Variants in EIF1AY observed in about 807,000 individuals in gnomAD.
EIF1AY encodes the protein eukaryotic translation initiation factor 1A Y-linked, also known as eukaryotic translation initiation factor 1A, Y-chromosomal.
For missense variants in EIF1AY, 19 were observed against 30.6 expected, an observed-to-expected ratio of 0.62 and a Z score of 0.89; for synonymous variants, 16 against 9.9, an observed-to-expected ratio of 1.62 and a Z score of -1.16.
chrY:20,588,194 T>C, intron 5 of EIF1AY, 89 bp downstream of exon 5: 1 of 179,380 alleles, frequency 5.6e-6, no homozygotes, highest in Non-Finnish European at 9.4e-6. Context: ...ACTCTTGTTT[T>C]ACATACTGTT....
intron 1 of EIF1AY, among the ~76,000 whole-genome samples, chrY:20,578,794 G>A (rs2089348540): frequency 3.0e-5 from 1 of 33,194 alleles, no homozygotes; most frequent in Non-Finnish European, 7.4e-5. Flanking sequence ...TTTTGGAAAC[G>A]GCCGCTACTT....
intron 4 of EIF1AY, chrY:20,587,056 C>A (rs565983544): frequency 1.8e-4 from 6 of 32,921 alleles, no homozygotes; most frequent in Admixed American, 1.7e-3. Flanking sequence ...AAAATACTTT[C>A]AAATGGGGAA....
intron 2 of EIF1AY, among the ~76,000 whole-genome samples, chrY:20,580,715 A>T: frequency 3.0e-5 from 1 of 33,609 alleles, no homozygotes; most frequent in African/African-American, 1.2e-4. Context: ...AGTAACATGA[A>T]TTTACAGACT....
intron 1 of EIF1AY, among the ~76,000 whole-genome samples, chrY:20,578,436 C>T: frequency 3.0e-5 from 1 of 33,396 alleles, no homozygotes; most frequent in Non-Finnish European, 7.4e-5. Flanking sequence ...TTTGTAAAAC[C>T]CAGTAAGGAA....
intron 4 of EIF1AY, 123 bp from the exon 5 acceptor site, chrY:20,587,901 G>A (rs1024390909): frequency 6.9e-4 from 112 of 161,664 alleles, no homozygotes; most frequent in Non-Finnish European, 1.1e-3. Flanking sequence ...AAGAAAAGCA[G>A]GAGAGTTTGT....
chrY:20,581,341 GT>G (rs2089350555), intron 2 of EIF1AY, among the ~76,000 whole-genome samples: 2 of 31,907 alleles, frequency 6.3e-5, no homozygotes, highest in African/African-American at 1.2e-4. Context: ...TTTTTTGTTT[GT>G]TTTTTTTGAG....
chrY:20,589,408 G>C, intron 5 of EIF1AY, 76 bp from the exon 6 acceptor site: 2 of 267,771 alleles, frequency 7.5e-6, no homozygotes, highest in Non-Finnish European at 1.2e-5. Flanking sequence ...GATCTCAAGT[G>C]ATCTGCCTAC....
chrY:20,584,552 T>C (rs1178297189), intron 4 of EIF1AY, 28 bp downstream of exon 4: 2 of 253,696 alleles, frequency 7.9e-6, no homozygotes, highest in South Asian at 1.1e-4. Context: ...AGTTGTGGTA[T>C]GTCTGTGTTT....
At chrY:20,585,831 C>CT (rs2089354152) in intron 4 of EIF1AY, among the ~76,000 whole-genome samples, 30 of 22,895 alleles carry the variant, frequency 1.3e-3, no homozygotes, top group African/African-American at 3.9e-3. Context: ...TTTTTTAAAT[C>CT]TTTTTTTTTT....
At chrY:20,581,711 A>G (rs7067423) in intron 2 of EIF1AY, among the ~76,000 whole-genome samples, 4,963 of 32,592 alleles carry the variant, frequency 0.15, no homozygotes, top group African/African-American at 0.6. Flanking sequence ...TGGTTAAGCT[A>G]TTATTTGTCT....
intron 5 of EIF1AY, 26 bp downstream of exon 5, chrY:20,588,131 T>G: frequency 3.4e-6 from 1 of 291,434 alleles, no homozygotes; most frequent in African/African-American, 7.0e-5. Context: ...TTTTATCTCC[T>G]CATTATTTGA....
intron 1 of EIF1AY, among the ~76,000 whole-genome samples, chrY:20,577,382 G>C: frequency 3.0e-5 from 1 of 33,353 alleles, no homozygotes; most frequent in African/African-American, 1.2e-4. Context: ...TTTAATTTTT[G>C]TATGATCATG....
Position 20,575,840 on chromosome Y carries a change from G to C in EIF1AY, c.-32G>C. On this transcript the variant is annotated 5_prime_UTR_variant, in exon 1 of 7. Transcript: ENST00000361365. ...GAGTAGTAACCGCCAGAAAGGAGTC[G>C]GAAGAGGTCTCACGAGGCTGTCATC... 2.6e-6 allele frequency: 1 copy of C among 381,838 alleles called. No homozygotes were observed. Among genetic ancestry groups the C allele is most frequent in the Non-Finnish European group, 3.6e-6 (1 of 274,101 alleles).
intron 5 of EIF1AY, chrY:20,588,771 G>T (rs2089356658): frequency 3.0e-5 from 1 of 33,618 alleles, no homozygotes; most frequent in East Asian, 7.8e-4. Flanking sequence ...TAAACATGAA[G>T]ATCTTGATGA....
chrY:20,580,774 CT>C lies in EIF1AY; in HGVS notation c.100+1086del, dbSNP rs2089350039. ...TGTCTCCCAAGATGAAGCACTTCTC[CT>C]TTACTAACTACAAACAACATATTTA... On this transcript the variant is annotated intron_variant, in intron 2 of 6. Coordinates refer to ENST00000361365, the MANE Select transcript of EIF1AY (RefSeq NM_004681.4). 1.2e-4 allele frequency among the ~76,000 whole-genome samples: 4 copies of C among 33,936 alleles called. No homozygotes were observed. The East Asian group carries it at 3.0e-3, about 26-fold the overall frequency. The allele number at this position is 33,936 out of a possible 37,273, so 91.0% of individuals were successfully genotyped here.
intron 4 of EIF1AY, chrY:20,586,736 T>G (rs2089354714): frequency 2.9e-5 from 1 of 34,149 alleles, no homozygotes; most frequent in African/African-American, 1.1e-4. Context: ...GGAACAAATT[T>G]TAGCAAGTCC....
In EIF1AY at chrY:20,579,672, G is replaced by A. The variant is rs1196304462; in HGVS notation, c.81G>A (p.Val27=). The change falls in exon 2 of 7, where the codon GTG becomes GTA. Residue 27 remains valine, a synonymous_variant. Transcript: ENST00000361365. ...ATGAATCTGAAAAAAGAGAGTTGGT[G>A]TTTAAAGAGGATGGACAAGGTAAGA... The part of the protein sequence containing the change: ...NENESEKREL[V]FKEDGQEYAQ... 5.3e-6 allele frequency: 2 copies of A among 379,115 alleles called. No homozygotes were observed. The highest frequency in any genetic ancestry group is 3.2e-5 in the South Asian group (1 of 30,781). The allele number at this position is 379,115 out of a possible 400,897, so 94.6% of individuals were successfully genotyped here.
intron 6 of EIF1AY, among the ~76,000 whole-genome samples, chrY:20,590,093 A>G: frequency 2.3e-4 from 7 of 30,165 alleles, no homozygotes; most frequent in African/African-American, 9.2e-4. Flanking sequence ...AGGGGGAGAG[A>G]GAGAGAGAGA....
At chrY:20,584,580 T>C in intron 4 of EIF1AY, 56 bp downstream of exon 4, 1 of 191,612 alleles carries the variant, frequency 5.2e-6, no homozygotes, top group Non-Finnish European at 8.3e-6. Context: ...TGTTAATGTT[T>C]GGAAGGTAAC....
Sources: allele counts gnomAD v4.1 joint callset (sites outside exome capture counted in the v4.1 genomes callset), GRCh38; gene constraint gnomAD v4.1.1; transcripts MANE v1.5; gene names NCBI Gene and HGNC (gene_info 2026-07-23, HGNC 2026-07-21).